KCNC3: variants seen among roughly 807,000 people sequenced by gnomAD.
KCNC3 encodes the protein voltage-gated potassium channel KCNC3.
A neutral mutation model predicts 43.9 loss-of-function variants in KCNC3; 22 were observed. That is an observed-to-expected ratio of 0.50 (90% CI 0.36 to 0.72). KCNC3 has a LOEUF of 0.72. Among genes scored for constraint, KCNC3 ranks in the 30% least tolerant of loss-of-function variants. The pLI, the probability that KCNC3 is intolerant of heterozygous loss-of-function variation, is 0.00. For missense variants in KCNC3, 829 were observed against 1,073.8 expected (o/e 0.77, Z 3.19); for synonymous variants, 492 against 488.0 (o/e 1.01, Z -0.11).
rs1439297040 is a variant in KCNC3, at chr19:50,312,621, A to G, written c.*3494T>C. The G allele has an allele frequency of 6.6e-6, 1 of 152,264 alleles. No individual in the cohort carries two copies. Among genetic ancestry groups the G allele is most frequent in the African/African-American group, 2.4e-5 (1 of 41,440 alleles). 9.4% of individuals were successfully genotyped at this position (152,264 alleles called of 1,614,324 possible). On this transcript the variant is annotated 3_prime_UTR_variant, in exon 5 of 5. Coordinates refer to ENST00000477616, the MANE Select transcript of KCNC3 (RefSeq NM_004977.3). ...GGAGAATCACGTTTTGTAGAAGTTT[A>G]TCATGATTGTGGTTATTTTGAAAAG...
At chr19:50,331,761 C>G (rs1249470930), upstream of KCNC3, among the ~76,000 whole-genome samples, 1 of 152,084 alleles carries the variant, frequency 6.6e-6, no homozygotes, top group Non-Finnish European at 1.5e-5. Context: ...TGTCCCCTCC[C>G]TGAGTCTCTA....
intron 2 of KCNC3, 106 bp downstream of exon 2, chr19:50,322,869 A>T (rs1601097466): frequency 8.3e-7 from 1 of 1,203,288 alleles, no homozygotes; most frequent in Non-Finnish European, 1.2e-6. Flanking sequence ...TTTCTCCCTC[A>T]CCTCTTCGAC....
In KCNC3 at chr19:50,328,962, G is replaced by T; in HGVS notation, c.121C>A (p.Gln41Lys). ...PPPPPLPPQQ[Q>K]QPAQPGPAAS... is the part of the protein sequence containing the mutation. Reference sequence around the variant, plus strand: ...GCGGGGCCGGGCTGCGCAGGCTGCTGCTGCTGCGGCGGCAGCGGTGGCGGC... The same window carrying T: ...GCGGGGCCGGGCTGCGCAGGCTGCTTCTGCTGCGGCGGCAGCGGTGGCGGC... Residue 41 changes from glutamine (Q) to lysine (K), a missense_variant, in exon 1 of 5, where the codon CAG becomes AAG. Transcript: ENST00000477616. 1.0e-6 allele frequency: 1 copy of T among 956,502 alleles called. No individual in the cohort carries two copies. The highest frequency in any genetic ancestry group is 1.3e-6 in the Non-Finnish European group (1 of 768,952). 59.3% of individuals were successfully genotyped at this position (956,502 alleles called of 1,614,324 possible).
rs1440589914 is a variant in KCNC3 at position 50,328,403 on chromosome 19, T to A, written c.680A>T (p.Glu227Val). ...CAGGCCGCCGCCGCCCGCGCCCGCC[T>A]CGTCGTCCAGGCCTCCGTCGTGGGC... The part of the protein sequence containing the change: ...AGAHDGGLDD[E>V]AGAGGGGLDG... Residue 227 changes from glutamate (E) to valine (V), a missense_variant, in exon 1 of 5, where the codon GAG becomes GTG. By Grantham distance (121) the Glu-to-Val change is moderately radical. Transcript: ENST00000477616. The A allele has an allele frequency of 1.6e-5, 21 of 1,290,622 alleles. No individual in the cohort carries two copies. Among genetic ancestry groups the A allele is most frequent in the Non-Finnish European group, 2.0e-5 (20 of 1,021,954 alleles). The allele number at this position is 1,290,622 out of a possible 1,614,324, so 79.9% of individuals were successfully genotyped here.
Position 50,328,972 on chromosome 19 carries a change from CGGCAGCGGT to C in KCNC3, c.102_110del (p.Leu36_Pro38del). 9.8e-7 allele frequency: 1 copy of C among 1,016,312 alleles called. No individual in the cohort carries two copies. Among genetic ancestry groups the C allele is most frequent in the Non-Finnish European group, 1.2e-6 (1 of 809,334 alleles). 63.0% of individuals were successfully genotyped at this position (1,016,312 alleles called of 1,614,324 possible). A position where few individuals can be genotyped will look rare whatever the true frequency, so the allele number is the denominator to read the frequency against. Reference sequence around the variant, plus strand: ...GCTGCGCAGGCTGCTGCTGCTGCGGCGGCAGCGGTGGCGGCGGCGGGGACTCGGGCGGCT... The same window carrying C: ...GCTGCGCAGGCTGCTGCTGCTGCGGCGGCGGCGGCGGGGACTCGGGCGGCT... On this transcript the variant is annotated inframe_deletion, in exon 1 of 5. Transcript: ENST00000477616.
chr19:50,320,776 G>A lies in KCNC3; in HGVS notation c.1987C>T (p.Pro663Ser). 1.2e-6 allele frequency: 2 copies of A among 1,613,808 alleles called. No individual in the cohort carries two copies. The highest frequency in any genetic ancestry group is 1.7e-6 in the Non-Finnish European group (2 of 1,179,932). Residue 663 changes from proline to serine, a missense_variant, in exon 3 of 5, where the codon CCC becomes TCC. Physicochemically the swap from Pro to Ser is moderately conservative, Grantham distance 74. Coordinates refer to ENST00000477616, the MANE Select transcript of KCNC3 (RefSeq NM_004977.3). The part of the protein sequence containing the change: ...VIEINRADPR[P>S]NGDPAAAALA... ...GCAGCTGCTGCCGGATCCCCATTGGGGCGAGGATCTGCATCCCAAGGGGGT... is the reference window on the plus strand; with the variant it reads ...GCAGCTGCTGCCGGATCCCCATTGGAGCGAGGATCTGCATCCCAAGGGGGT...
Position 50,320,804 on chromosome 19 carries a change from G to T in KCNC3, c.1979-20C>A. 2 of 1,611,774 alleles carry T rather than the reference G, an allele frequency of 1.2e-6. No individual in the cohort carries two copies. On this transcript the variant is annotated intron_variant, in intron 2 of 4. Coordinates refer to ENST00000477616, the MANE Select transcript of KCNC3 (RefSeq NM_004977.3). ...GAGGATCTGCATCCCAAGGGGGTCA[G>T]ACAGAGAGACAAAGGAGAGAGTGAG...
Position 50,328,238 on chromosome 19 carries a change from T to C in KCNC3, c.845A>G (p.Asp282Gly). 1 of 1,185,800 alleles carries C rather than the reference T, an allele frequency of 8.4e-7. No individual in the cohort carries two copies. Among genetic ancestry groups the C allele is most frequent in the Non-Finnish European group, 1.0e-6 (1 of 959,532 alleles). 73.5% of individuals were successfully genotyped at this position (1,185,800 alleles called of 1,614,324 possible). ...WQPRVWALFE[D>G]PYSSRAARYV... Reference sequence around the variant, plus strand: ...CCTGGCAGCCCGCGACGAGTAGGGGTCCTCGAAGAGCGCCCACACGCGGGG... The same window carrying C: ...CCTGGCAGCCCGCGACGAGTAGGGGCCCTCGAAGAGCGCCCACACGCGGGG... The change falls in exon 1 of 5, where the codon GAC (aspartate) becomes GGC (glycine). Residue 282 changes from aspartate (D) to glycine (G), a missense_variant. By Grantham distance (94) the Asp-to-Gly change is moderately conservative (BLOSUM62 -1). Around this residue, in one of 7 missense-constraint regions of KCNC3, gnomAD observed 157 missense variants for 293.5 expected, o/e 0.53. Transcript: ENST00000477616.
chr19:50,328,654 G>C lies in KCNC3; in HGVS notation c.429C>G (p.Val143=). The change falls in exon 1 of 5, where the codon GTC becomes GTG. Residue 143 remains valine (V), a synonymous_variant. Transcript: ENST00000477616. ...DEFFFDRHPG[V]FAYVLNYYRT... The stretch of plus-strand genomic sequence containing the variant: ...GGTAGTAGTTGAGCACGTACGCGAA[G>C]ACTCCCGGGTGCCGGTCAAAGAAGA... 3 of 1,611,516 alleles carry C rather than the reference G, an allele frequency of 1.9e-6. No individual in the cohort carries two copies. The East Asian group carries it at 6.7e-5, about 36-fold the overall frequency.
chr19:50,330,901 G>T (rs2037180406), upstream of KCNC3, among the ~76,000 whole-genome samples: 1 of 152,000 alleles, frequency 6.6e-6, no homozygotes. Flanking sequence ...CGGGGCCAGC[G>T]GCTGCGGCTG....
rs934415780 is a variant in KCNC3, at chr19:50,315,058, CAGAG to C, written c.*1053_*1056del. The C allele has an allele frequency of 9.6e-6, 2 of 207,808 alleles. No individual in the cohort carries two copies. Among genetic ancestry groups the C allele is most frequent in the African/African-American group, 4.8e-5 (2 of 41,590 alleles). The allele number at this position is 207,808 out of a possible 1,614,324, so 12.9% of individuals were successfully genotyped here. A position where few individuals can be genotyped will look rare whatever the true frequency, so the allele number is the denominator to read the frequency against. Reference sequence around the variant, plus strand: ...AGATGGGGTGCAGGGAAGGGTCAGACAGAGAGACCCAAGGCAGGGAGAAAGAGAC... The same window carrying C: ...AGATGGGGTGCAGGGAAGGGTCAGACAGACCCAAGGCAGGGAGAAAGAGAC... On this transcript the variant is annotated 3_prime_UTR_variant, in exon 5 of 5. Coordinates refer to ENST00000477616, the MANE Select transcript of KCNC3 (RefSeq NM_004977.3).
chr19:50,328,157 G>A, intron 1 of KCNC3, 56 bp downstream of exon 1: 1 of 1,101,540 alleles, frequency 9.1e-7, no homozygotes, highest in Non-Finnish European at 1.1e-6. Context: ...CTGGGAGACT[G>A]GGGGCGCCTG....
In KCNC3 at chr19:50,320,670, C is replaced by A. The variant is rs144957827; in HGVS notation, c.2093G>T (p.Arg698Leu). The A allele has an allele frequency of 4.3e-5, 69 of 1,613,580 alleles. 1 individual carries two copies. The Middle Eastern group carries it at 1.0e-3, about 24-fold the overall frequency. ...GGCTCGGTCCCGGCTATAGCGGCCA[C>A]GGCTTCCAGGCGTGATGGGGCTCTT... Reference protein sequence around the residue: ...EDKSPITPGSRGRYSRDRACF... With the variant: ...EDKSPITPGSLGRYSRDRACF... Residue 698 changes from arginine (R) to leucine (L), a missense_variant, in exon 3 of 5, where the codon CGT becomes CTT. Arg to Leu is a moderately radical substitution (Grantham distance 102). This residue lies in a region of KCNC3 where 308 missense variants were observed against 276.2 expected (regional missense o/e 1.11). Transcript: ENST00000477616.
chr19:50,327,104 T>C (rs2037117030), intron 1 of KCNC3, among the ~76,000 whole-genome samples: 1 of 148,268 alleles, frequency 6.7e-6, no homozygotes, highest in Non-Finnish European at 1.5e-5. Flanking sequence ...GGAAACGGGC[T>C]GTGGGGGCTT....
chr19:50,321,539 G>A (rs992849259), intron 2 of KCNC3, among the ~76,000 whole-genome samples: 3 of 152,178 alleles, frequency 2.0e-5, no homozygotes, highest in Non-Finnish European at 2.9e-5. Flanking sequence ...GGAGGCCGAG[G>A]TGGGTAGATC....
At chr19:50,318,496 G>A (rs565766120) in intron 4 of KCNC3, among the ~76,000 whole-genome samples, 90 of 152,196 alleles carry the variant, frequency 5.9e-4, no homozygotes, top group African/African-American at 2.0e-3. Flanking sequence ...CTTATTTTCT[G>A]CTTCTTCCTA....
In KCNC3 at chr19:50,324,527, G is replaced by C. The variant is rs1395611040; in HGVS notation, c.871-445C>G. 6.6e-6 allele frequency among the ~76,000 whole-genome samples: 1 copy of C among 152,170 alleles called. No individual in the cohort carries two copies. The highest frequency in any genetic ancestry group is 1.5e-5 in the Non-Finnish European group (1 of 68,032). Reference sequence around the variant, plus strand: ...AGGCTTTAGGGCTCAGCTTGGAGCTGGGCAGACGGGAAGGGAGAAGGCGGG... The same window carrying C: ...AGGCTTTAGGGCTCAGCTTGGAGCTCGGCAGACGGGAAGGGAGAAGGCGGG... On this transcript the variant is annotated intron_variant, in intron 1 of 4. Coordinates refer to ENST00000477616, the MANE Select transcript of KCNC3 (RefSeq NM_004977.3). The surrounding 1 kb of genome is among the most constrained non-coding windows in gnomAD (Gnocchi z 4.1).
Position 50,329,045 on chromosome 19 carries a change from C to A in KCNC3, c.38G>T (p.Arg13Leu), listed in dbSNP as rs1031824066. 2.2e-6 allele frequency: 3 copies of A among 1,352,934 alleles called. No individual in the cohort carries two copies. The highest frequency in any genetic ancestry group is 3.1e-5 in the African/African-American group (2 of 64,824). The allele number at this position is 1,352,934 out of a possible 1,614,324, so 83.8% of individuals were successfully genotyped here. A position where few individuals can be genotyped will look rare whatever the true frequency, so the allele number is the denominator to read the frequency against. The change falls in exon 1 of 5, where the codon CGC (arginine) becomes CTC (leucine). Residue 13 changes from arginine to leucine, a missense_variant. Arg to Leu is a moderately radical substitution (Grantham distance 102, BLOSUM62 -2). Transcript: ENST00000477616. ...SSVCVSSFRG[R>L]QGASKQQPAP... ...CGGCTGCTGCTTGCTGGCCCCCTGG[C>A]GCCCGCGGAAGGACGAGACGCAGAC... is the stretch of plus-strand genomic sequence containing the variant.
chr19:50,322,098 T>C (rs571314425), intron 2 of KCNC3, among the ~76,000 whole-genome samples: 1 of 143,136 alleles, frequency 7.0e-6, no homozygotes, highest in East Asian at 2.1e-4. Context: ...GGGAGCAAGA[T>C]GGGGGCCAAG....
Sources: allele counts gnomAD v4.1 joint callset (sites outside exome capture counted in the v4.1 genomes callset), GRCh38; gene constraint gnomAD v4.1.1; regional missense constraint gnomAD v4.1.1; non-coding constraint Gnocchi (gnomAD v3.1); transcripts MANE v1.5; gene names NCBI Gene and HGNC (gene_info 2026-07-23, HGNC 2026-07-21).